PTPRD: variants seen among roughly 807,000 people sequenced by gnomAD.
The protein encoded by PTPRD is receptor-type tyrosine-protein phosphatase delta.
A neutral mutation model predicts 214.5 loss-of-function variants in PTPRD; 34 were observed. That is an observed-to-expected ratio of 0.16 (90% CI 0.12 to 0.21). The LOEUF (loss-of-function observed/expected upper bound fraction) is 0.21. Among genes scored for constraint, PTPRD ranks in the 10% least tolerant of loss-of-function variants. The probability of loss-of-function intolerance (pLI) is 1.00; values close to 1 mark genes in which losing one functional copy is unlikely to be tolerated. For synonymous variants in PTPRD, 1,128 were observed against 845.7 expected, an observed-to-expected ratio of 1.33 and a Z score of -5.79; for missense variants, 2,545 against 2,398.7, an observed-to-expected ratio of 1.06 and a Z score of -1.27.
rs113015171 is a variant in PTPRD at position 9,032,918 on chromosome 9, T to C, written c.-142-14183A>G. 1.0e-3 allele frequency among the ~76,000 whole-genome samples: 157 copies of C among 152,062 alleles called. 3 individuals are homozygous for C. Among genetic ancestry groups the C allele is most frequent in the Admixed American group, 2.7e-3 (41 of 15,250 alleles). On this transcript the variant is annotated intron_variant, in intron 10 of 45. Coordinates refer to ENST00000381196, the MANE Select transcript of PTPRD (RefSeq NM_002839.4). ...AGCCGGCCTTCTTGTCCCTTCCCCATGTGCACTAGGGAAACCTCTCTGTAC... is the reference window on the plus strand; with the variant it reads ...AGCCGGCCTTCTTGTCCCTTCCCCACGTGCACTAGGGAAACCTCTCTGTAC...
At chr9:8,391,903 A>T (rs536875240) in intron 36 of PTPRD, among the ~76,000 whole-genome samples, 1 of 150,810 alleles carries the variant, frequency 6.6e-6, no homozygotes, top group South Asian at 2.1e-4. Flanking sequence ...AATGTTAATC[A>T]GTTATTATGT....
intron 3 of PTPRD, among the ~76,000 whole-genome samples, chr9:10,231,414 C>T (rs1182403546): frequency 6.6e-6 from 1 of 151,772 alleles, no homozygotes; most frequent in South Asian, 2.1e-4. Context: ...TACCTAAAAA[C>T]CAGTCAAGCT....
rs576271701 is a variant in PTPRD at position 8,690,129 on chromosome 9, A to T, written c.64+43651T>A. On this transcript the variant is annotated intron_variant, in intron 12 of 45. Transcript: ENST00000381196. ...TCTTAAAAAAAAAAAAAAAAGAAAA[A>T]TTAAAAAAATTCCTCTCCTAACAAT... is the stretch of plus-strand genomic sequence containing the variant. Among the ~76,000 whole-genome samples the T allele has an allele frequency of 4.2e-3, 634 of 151,688 alleles. 6 individuals are homozygous for T. Among genetic ancestry groups the T allele is most frequent in the African/African-American group, 0.014 (598 of 41,366 alleles).
chr9:9,524,596 T>C (rs988469250), intron 8 of PTPRD, among the ~76,000 whole-genome samples: 1 of 152,214 alleles, frequency 6.6e-6, no homozygotes, highest in East Asian at 1.9e-4. Context: ...TTATTTCATA[T>C]TGTTCCTCAA....
chr9:8,397,838 C>G (rs1329581357), intron 36 of PTPRD, among the ~76,000 whole-genome samples: 2 of 152,112 alleles, frequency 1.3e-5, no homozygotes, highest in Admixed American at 1.3e-4. Flanking sequence ...CACAAATAAT[C>G]AAGTTATTGT....
intron 11 of PTPRD, among the ~76,000 whole-genome samples, chr9:8,833,700 C>CTCTA (rs1329408923): frequency 1.4e-5 from 2 of 139,008 alleles, no homozygotes; most frequent in Admixed American, 7.2e-5. Flanking sequence ...CTCTCTCTCT[C>CTCTA]TATATATATA....
At chr9:9,038,103 C>T (rs1324222510) in intron 10 of PTPRD, among the ~76,000 whole-genome samples, 2 of 152,298 alleles carry the variant, frequency 1.3e-5, no homozygotes, top group Admixed American at 6.5e-5. Flanking sequence ...TACATTCCTA[C>T]TCTCTCTTCC....
At chr9:8,902,006 G>A (rs1345664067) in intron 11 of PTPRD, among the ~76,000 whole-genome samples, 2 of 152,160 alleles carry the variant, frequency 1.3e-5, no homozygotes, top group Admixed American at 1.3e-4. Flanking sequence ...GATTCAGATA[G>A]AGTGTTCCAG....
chr9:8,808,578 C>T (rs1388210968), intron 11 of PTPRD, among the ~76,000 whole-genome samples: 1 of 149,512 alleles, frequency 6.7e-6, no homozygotes, highest in Non-Finnish European at 1.5e-5. Context: ...CCTGGTTAAT[C>T]CTGGCCCACT....
At chr9:8,752,713 A>T (rs1009724391) in intron 11 of PTPRD, among the ~76,000 whole-genome samples, 3 of 152,002 alleles carry the variant, frequency 2.0e-5, no homozygotes, top group Non-Finnish European at 4.4e-5. Flanking sequence ...TAGCTAACTG[A>T]CCCACTGTAG....
rs1292884117 is a variant in PTPRD, at chr9:8,995,435, G to C, written c.-104+23262C>G. Among the ~76,000 whole-genome samples, 6 of 151,918 alleles carry C rather than the reference G, an allele frequency of 3.9e-5. No individual in the cohort carries two copies. The East Asian group carries it at 1.2e-3, about 29-fold the overall frequency. The stretch of plus-strand genomic sequence containing the variant: ...TTGATAACATTGAAACTCGCTGCTG[G>C]GATGCTGACTTTCATTATTCTCTCT... On this transcript the variant is annotated intron_variant, in intron 11 of 45. Transcript: ENST00000381196.
intron 11 of PTPRD, among the ~76,000 whole-genome samples, chr9:8,907,080 C>T (rs917926918): frequency 6.6e-6 from 1 of 152,024 alleles, no homozygotes; most frequent in Admixed American, 6.6e-5. Context: ...CATCATCAGG[C>T]ATGCTAGCAA....
chr9:9,514,022 A>G (rs182435220), intron 8 of PTPRD, among the ~76,000 whole-genome samples: 132 of 152,146 alleles, frequency 8.7e-4, no homozygotes, highest in Non-Finnish European at 1.6e-3. Context: ...TTTCCTGGAG[A>G]GCCTTAATTC....
Position 10,285,315 on chromosome 9 carries a change from G to A in PTPRD, c.-545+55648C>T, listed in dbSNP as rs867920774. 1.2e-4 allele frequency among the ~76,000 whole-genome samples: 18 copies of A among 152,194 alleles called. No homozygotes were observed. In the South Asian group the frequency reaches 2.1e-3, roughly 18 times the overall value. On this transcript the variant is annotated intron_variant, in intron 3 of 45. Transcript: ENST00000381196. ...CAGAAAGAATATCTACAAAACGACT[G>A]CATTTTTTATTTATTTTTCTTTTAT...
At chr9:10,121,386 T>C (rs1358971741) in intron 3 of PTPRD, among the ~76,000 whole-genome samples, 1 of 152,170 alleles carries the variant, frequency 6.6e-6, no homozygotes, top group African/African-American at 2.4e-5. Context: ...AGGCTAAAAT[T>C]AAAATAGGCA....
intron 2 of PTPRD, among the ~76,000 whole-genome samples, chr9:10,355,600 T>A (rs535945064): frequency 6.6e-6 from 1 of 151,258 alleles, no homozygotes; most frequent in Non-Finnish European, 1.5e-5. Context: ...TTCCTCAGCC[T>A]CCAGAGTAGC....
chr9:10,413,191 A>G (rs888672033), intron 2 of PTPRD, among the ~76,000 whole-genome samples: 2 of 151,916 alleles, frequency 1.3e-5, no homozygotes, highest in African/African-American at 4.8e-5. Context: ...AGATGACATG[A>G]TTCTATATCT....
At chr9:9,510,418 A>C (rs60463059) in intron 8 of PTPRD, among the ~76,000 whole-genome samples, 336 of 151,740 alleles carry the variant, frequency 2.2e-3, no homozygotes, top group African/African-American at 7.7e-3. Flanking sequence ...TGTTGAATTA[A>C]ATTGTGATTT....
At chr9:8,818,042 G>A (rs1180468189) in intron 11 of PTPRD, among the ~76,000 whole-genome samples, 1 of 152,112 alleles carries the variant, frequency 6.6e-6, no homozygotes, top group Non-Finnish European at 1.5e-5. Context: ...TATTTTCAGG[G>A]CATTTTAGAT....
Sources: allele counts gnomAD v4.1 joint callset (sites outside exome capture counted in the v4.1 genomes callset), GRCh38; gene constraint gnomAD v4.1.1; transcripts MANE v1.5; gene names NCBI Gene and HGNC (gene_info 2026-07-23, HGNC 2026-07-21).